Variants in HSPA4 observed in about 807,000 individuals in gnomAD.
HSPA4 encodes heat shock 70 kDa protein 4.
A neutral mutation model predicts 106.2 loss-of-function variants in HSPA4; 25 were observed. That is an observed-to-expected ratio of 0.24 (90% CI 0.17 to 0.33). The LOEUF (loss-of-function observed/expected upper bound fraction) is 0.33. Among genes scored for constraint, HSPA4 ranks in the 10% least tolerant of loss-of-function variants. The pLI is 1.00. For missense variants in HSPA4, 841 were observed against 996.0 expected (o/e 0.84, Z 2.10); for synonymous variants, 332 against 333.6 (o/e 1.00, Z 0.05).
Position 133,074,610 on chromosome 5 carries a change from A to G in HSPA4, c.663+484A>G, listed in dbSNP as rs918422875. ...TTTTTAACATGTAGTTCCTTGGTGAATTTTACACTGGGGATTGAGAGGGTG... is the reference window on the plus strand; with the variant it reads ...TTTTTAACATGTAGTTCCTTGGTGAGTTTTACACTGGGGATTGAGAGGGTG... On this transcript the variant is annotated intron_variant, in intron 6 of 18. Coordinates refer to ENST00000304858, the MANE Select transcript of HSPA4 (RefSeq NM_002154.4). 3.3e-5 allele frequency among the ~76,000 whole-genome samples: 5 copies of G among 152,096 alleles called. No homozygotes were observed. In the East Asian group the frequency reaches 7.7e-4, roughly 23 times the overall value.
chr5:133,103,096 C>CAACA (rs1392394810), intron 17 of HSPA4, among the ~76,000 whole-genome samples: 1 of 151,374 alleles, frequency 6.6e-6, no homozygotes, highest in Non-Finnish European at 1.5e-5. Flanking sequence ...GGGTCTCAGT[C>CAACA]TGTTGCCCAT....
intron 7 of HSPA4, 141 bp from the exon 8 acceptor site, chr5:133,086,641 T>G: frequency 1.6e-6 from 1 of 620,636 alleles, no homozygotes; most frequent in East Asian, 2.8e-5. Context: ...TTCTATTACC[T>G]GGGAATGTAT....
chr5:133,071,019 G>A (rs1273203270), intron 4 of HSPA4, among the ~76,000 whole-genome samples: 3 of 151,960 alleles, frequency 2.0e-5, no homozygotes, highest in Non-Finnish European at 4.4e-5. Flanking sequence ...GTTTTTCAAG[G>A]TGCATTCATC....
chr5:133,061,954 G>A (rs957275577), intron 1 of HSPA4, among the ~76,000 whole-genome samples: 2 of 152,106 alleles, frequency 1.3e-5, no homozygotes, highest in Non-Finnish European at 2.9e-5. Context: ...TTTTATTTGG[G>A]GGCTGGGGTG....
chr5:133,056,494 C>T (rs1419940352), intron 1 of HSPA4, among the ~76,000 whole-genome samples: 1 of 152,192 alleles, frequency 6.6e-6, no homozygotes, highest in Non-Finnish European at 1.5e-5. Context: ...TGGTCTCAAA[C>T]TCCTGGTCTC....
chr5:133,072,392 G>GT (rs748459297), intron 4 of HSPA4, among the ~76,000 whole-genome samples: 12,434 of 75,566 alleles, frequency 0.16, 820 homozygotes, highest in Non-Finnish European at 0.2. Flanking sequence ...GTCCAGGGTT[G>GT]TTTTTTTTTT....
chr5:133,062,860 A>G (rs1019969278), intron 1 of HSPA4, among the ~76,000 whole-genome samples: 1 of 152,154 alleles, frequency 6.6e-6, no homozygotes, highest in Non-Finnish European at 1.5e-5. Context: ...AAGCCCAGGG[A>G]GGCCCAGCAT....
At chr5:133,102,381 A>G (rs2126718373) in intron 17 of HSPA4, among the ~76,000 whole-genome samples, 1 of 152,328 alleles carries the variant, frequency 6.6e-6, no homozygotes. Context: ...TATCTCTTTA[A>G]TAGGTGGAAT....
intron 10 of HSPA4, 86 bp downstream of exon 10, chr5:133,089,247 T>G: frequency 2.6e-6 from 2 of 761,492 alleles, no homozygotes; most frequent in Non-Finnish European, 4.2e-6. Flanking sequence ...TCAGTTTACA[T>G]AAATCTGTAA....
intron 13 of HSPA4, among the ~76,000 whole-genome samples, chr5:133,095,231 G>A (rs568722066): frequency 6.6e-6 from 1 of 152,314 alleles, no homozygotes; most frequent in African/African-American, 2.4e-5. Flanking sequence ...GAACCTGAGA[G>A]GCAGAGGTTG....
chr5:133,062,411 A>G (rs1765255723), intron 1 of HSPA4, among the ~76,000 whole-genome samples: 1 of 152,150 alleles, frequency 6.6e-6, no homozygotes. Flanking sequence ...AGAAATTTAG[A>G]TCTGGTGGTA....
chr5:133,089,503 A>G, intron 10 of HSPA4, 59 bp from the exon 11 acceptor site: 3 of 1,495,446 alleles, frequency 2.0e-6, no homozygotes, highest in Non-Finnish European at 1.8e-6. Context: ...CCTAGAACAC[A>G]TGGGTAAAAG....
chr5:133,085,143 AT>A (rs886182790), intron 7 of HSPA4, among the ~76,000 whole-genome samples: 140 of 143,964 alleles, frequency 9.7e-4, no homozygotes, highest in African/African-American at 1.7e-3. Context: ...TTAAAAAAAA[AT>A]TTTTTTTTTT....
chr5:133,078,549 C>T (rs764446137), intron 7 of HSPA4, among the ~76,000 whole-genome samples: 34 of 146,208 alleles, frequency 2.3e-4, no homozygotes, highest in Non-Finnish European at 2.5e-4. Flanking sequence ...GCAGGAGAAT[C>T]GCTTGAACTT....
At position 133,102,913 on chromosome 5, in the gene HSPA4, C is replaced by CTTTTTTTTTTTTT. The variant is rs533273263; in HGVS notation, c.2158-947_2158-935dup. On this transcript the variant is annotated intron_variant, in intron 17 of 18. Transcript: ENST00000304858. ...TACCACCACACCCAACTAGGGTTGT[C>CTTTTTTTTTTTTT]TTTTTTTTTTTTTTTTTGAGATGGC... Among the ~76,000 whole-genome samples, 86 of 103,286 alleles carry CTTTTTTTTTTTTT rather than the reference C, an allele frequency of 8.3e-4. 6 individuals carry two copies. The highest frequency in any genetic ancestry group is 1.5e-3 in the African/African-American group (35 of 23,262). The allele number at this position is 103,286 out of a possible 152,430, so 67.8% of individuals were successfully genotyped here.
At chr5:133,070,052 C>T (rs777901811) in intron 3 of HSPA4, among the ~76,000 whole-genome samples, 52 of 151,812 alleles carry the variant, frequency 3.4e-4, no homozygotes, top group African/African-American at 7.5e-4. Flanking sequence ...TTTTGCTCCC[C>T]GCTACTTGGG....
intron 5 of HSPA4, 107 bp from the exon 6 acceptor site, chr5:133,073,886 T>C: frequency 1.6e-6 from 1 of 622,466 alleles, no homozygotes; most frequent in Non-Finnish European, 2.6e-6. Context: ...TTCTAAAACA[T>C]AACACATGTA....
At chr5:133,081,856 G>A (rs1359341021) in intron 7 of HSPA4, among the ~76,000 whole-genome samples, 2 of 152,024 alleles carry the variant, frequency 1.3e-5, no homozygotes, top group African/African-American at 2.4e-5. Flanking sequence ...CAGAGGGAAA[G>A]CCTCTCAAAA....
At chr5:133,065,147 C>A in intron 2 of HSPA4, 110 bp downstream of exon 2, 2 of 852,330 alleles carry the variant, frequency 2.3e-6, no homozygotes, top group Non-Finnish European at 3.9e-6. Flanking sequence ...CTTGGGAATA[C>A]AACTGGCAGA....
Sources: allele counts gnomAD v4.1 joint callset (sites outside exome capture counted in the v4.1 genomes callset), GRCh38; gene constraint gnomAD v4.1.1; transcripts MANE v1.5; gene names NCBI Gene and HGNC (gene_info 2026-07-23, HGNC 2026-07-21).